The following GBE1 variants were observed in gnomAD, a reference collection of about 807,000 sequenced individuals.
GBE1 encodes the protein 1,4-alpha-glucan-branching enzyme.
A neutral mutation model predicts 88.8 loss-of-function variants in GBE1; 70 were observed. The observed-to-expected ratio is 0.79, with a 90% CI of 0.65 to 0.96. The LOEUF (loss-of-function observed/expected upper bound fraction) is 0.96, where lower values mean the gene tolerates loss of function less well. GBE1 is among the 40% of genes least tolerant of loss of function. The pLI is 0.00. For synonymous variants in GBE1, 284 were observed against 300.1 expected (o/e 0.95, Z 0.56); for missense variants, 872 against 871.0 (o/e 1.00, Z -0.01).
chr3:81,627,766 T>TAA (rs869068286), intron 7 of GBE1, among the ~76,000 whole-genome samples: 3 of 65,926 alleles, frequency 4.6e-5, no homozygotes, highest in Non-Finnish European at 6.7e-5. Context: ...TATATATATA[T>TAA]AAAAAACATA....
intron 12 of GBE1, among the ~76,000 whole-genome samples, chr3:81,539,105 C>G (rs75056386): frequency 6.6e-6 from 1 of 152,104 alleles, no homozygotes; most frequent in East Asian, 1.9e-4. Context: ...TTCAATTTTA[C>G]AGATAAGGAA....
chr3:81,625,101 G>C (rs1433104521), intron 7 of GBE1, among the ~76,000 whole-genome samples: 1 of 148,172 alleles, frequency 6.7e-6, no homozygotes, highest in Non-Finnish European at 1.5e-5. Context: ...GGGAGGGGGA[G>C]GGGGAGGGGG....
chr3:81,521,770 T>G (rs954998836), intron 14 of GBE1, among the ~76,000 whole-genome samples: 1 of 151,562 alleles, frequency 6.6e-6, no homozygotes, highest in Admixed American at 6.6e-5. Flanking sequence ...TTTCCAAGTT[T>G]AATGTTAAAT....
At chr3:81,710,789 A>AT (rs1319462577) in intron 1 of GBE1, among the ~76,000 whole-genome samples, 1 of 152,186 alleles carries the variant, frequency 6.6e-6, no homozygotes, top group Non-Finnish European at 1.5e-5. Flanking sequence ...TTTAAAACAC[A>AT]TATTAGCTAT....
At chr3:81,614,823 T>C (rs1704227811) in intron 7 of GBE1, among the ~76,000 whole-genome samples, 1 of 152,090 alleles carries the variant, frequency 6.6e-6, no homozygotes, top group Admixed American at 6.5e-5. Context: ...ATCATGCCAT[T>C]GCACCCCAGC....
chr3:81,678,192 G>C (rs930188109), intron 2 of GBE1, among the ~76,000 whole-genome samples: 1 of 152,154 alleles, frequency 6.6e-6, no homozygotes, highest in Non-Finnish European at 1.5e-5. Context: ...TGTATGACAT[G>C]TTATTGTAAT....
Position 81,612,096 on chromosome 3 carries a change from A to C in GBE1, c.993-18073T>G. On this transcript the variant is annotated intron_variant, in intron 7 of 15. Transcript: ENST00000429644. Reference sequence around the variant, plus strand: ...AAACAAACACTAGTTTAAGAGCGCAAACTTTCAAATTATAGGAATATTAGA... The same window carrying C: ...AAACAAACACTAGTTTAAGAGCGCACACTTTCAAATTATAGGAATATTAGA... The C allele has an allele frequency of 1.1e-5, 3 of 267,636 alleles. No individual in the cohort carries two copies. The South Asian group carries it at 1.6e-4, about 14-fold the overall frequency. The allele number at this position is 267,636 out of a possible 1,614,324, so 16.6% of individuals were successfully genotyped here.
chr3:81,630,520 T>C (rs181179317), intron 7 of GBE1, among the ~76,000 whole-genome samples: 1 of 152,332 alleles, frequency 6.6e-6, no homozygotes, highest in African/African-American at 2.4e-5. Context: ...TTTATATTGA[T>C]GTAGATTTAA....
At chr3:81,503,482 A>C (rs1301300950) in intron 14 of GBE1, among the ~76,000 whole-genome samples, 1 of 152,220 alleles carries the variant, frequency 6.6e-6, no homozygotes, top group Non-Finnish European at 1.5e-5. Flanking sequence ...CGGCGGAAAG[A>C]CTAAGTCGGG....
At chr3:81,676,800 A>G (rs2107123542) in intron 2 of GBE1, among the ~76,000 whole-genome samples, 1 of 152,266 alleles carries the variant, frequency 6.6e-6, no homozygotes, top group East Asian at 1.9e-4. Flanking sequence ...ATCATATCTG[A>G]TAAGGCATAA....
At chr3:81,620,508 T>C (rs889529986) in intron 7 of GBE1, among the ~76,000 whole-genome samples, 1 of 152,146 alleles carries the variant, frequency 6.6e-6, no homozygotes, top group South Asian at 2.1e-4. Context: ...TTTTAATATA[T>C]GAAATTTAAA....
chr3:81,734,531 T>G (rs1474720321), intron 1 of GBE1, among the ~76,000 whole-genome samples: 1 of 152,206 alleles, frequency 6.6e-6, no homozygotes, highest in East Asian at 1.9e-4. Context: ...CTGGCACGTG[T>G]GAGTCCTACT....
chr3:81,498,033 A>C (rs189231731), intron 15 of GBE1, among the ~76,000 whole-genome samples: 1 of 152,140 alleles, frequency 6.6e-6, no homozygotes, highest in Non-Finnish European at 1.5e-5. Flanking sequence ...CATCATCAAC[A>C]TACACCCATA....
intron 11 of GBE1, 104 bp from the exon 12 acceptor site, chr3:81,578,200 G>C (rs150450571): frequency 2.7e-4 from 214 of 782,342 alleles, no homozygotes; most frequent in Middle Eastern, 2.1e-3. Context: ...AAACATCGTA[G>C]AAGAGGTGTG....
At chr3:81,614,701 T>C (rs555594245) in intron 7 of GBE1, among the ~76,000 whole-genome samples, 2 of 151,846 alleles carry the variant, frequency 1.3e-5, no homozygotes, top group Admixed American at 6.5e-5. Flanking sequence ...CTACTAAAGA[T>C]ACAAAAAATT....
intron 8 of GBE1, among the ~76,000 whole-genome samples, chr3:81,591,536 C>G (rs1017580603): frequency 1.3e-5 from 2 of 151,960 alleles, no homozygotes; most frequent in Admixed American, 1.3e-4. Flanking sequence ...TGTATTAGAT[C>G]CCTCTGAGGT....
At chr3:81,649,586 A>G (rs147345102) in intron 4 of GBE1, among the ~76,000 whole-genome samples, 92 of 152,272 alleles carry the variant, frequency 6.0e-4, no homozygotes, top group Middle Eastern at 3.4e-3. Flanking sequence ...CCTCAAAAAC[A>G]TAGACAACAC....
At chr3:81,534,144 C>T (rs1219067817) in intron 14 of GBE1, among the ~76,000 whole-genome samples, 4 of 151,870 alleles carry the variant, frequency 2.6e-5, no homozygotes, top group Non-Finnish European at 5.9e-5. Flanking sequence ...CTTCAGGGGG[C>T]AAGCACATTA....
At chr3:81,743,861 C>G (rs1239159255) in intron 1 of GBE1, among the ~76,000 whole-genome samples, 7 of 152,102 alleles carry the variant, frequency 4.6e-5, no homozygotes, top group African/African-American at 1.7e-4. Context: ...TAACTTAGGG[C>G]AAACATGACC....
Sources: gnomAD v4.1 joint callset for allele counts (sites outside exome capture counted in the v4.1 genomes callset) on GRCh38, gnomAD v4.1.1 for gene constraint, MANE v1.5 for transcripts, NCBI Gene and HGNC (gene_info 2026-07-23, HGNC 2026-07-21) for gene names.